Variants in TENM1 observed in about 807,000 individuals in gnomAD.
TENM1 encodes the protein teneurin-1.
In TENM1, 35 loss-of-function variants were observed where a neutral mutation model predicts 174.8. The ratio of observed to expected loss-of-function variants is 0.20; its 90% CI spans 0.15 to 0.27. TENM1 has a LOEUF of 0.27. Among genes scored for constraint, TENM1 ranks in the 10% least tolerant of loss-of-function variants. The pLI, the probability that TENM1 is intolerant of heterozygous loss-of-function variation, is 1.00. For missense variants in TENM1, 1,633 were observed against 2,130.1 expected (o/e 0.77, Z 4.59); for synonymous variants, 781 against 798.7 (o/e 0.98, Z 0.37).
chrX:125,182,151 G>A, the TENM1 span, among the ~76,000 whole-genome samples: 1 of 109,980 alleles, frequency 9.1e-6, no homozygotes, highest in African/African-American at 3.3e-5. Context: ...ACTTTCTAGA[G>A]GCCATCCACC....
At chrX:124,531,499 C>T (rs1248172374) in intron 15 of TENM1, among the ~76,000 whole-genome samples, 1 of 112,056 alleles carries the variant, frequency 8.9e-6, no homozygotes, top group Non-Finnish European at 1.9e-5. Context: ...TACGTAAGGG[C>T]TTTCCCAACA....
the TENM1 span, among the ~76,000 whole-genome samples, chrX:125,042,511 T>C: frequency 5.4e-5 from 6 of 111,229 alleles, no homozygotes; most frequent in Non-Finnish European, 1.1e-4. Context: ...CCCCTTAAGA[T>C]AGCTCTCAAA....
intron 11 of TENM1, among the ~76,000 whole-genome samples, chrX:124,593,639 G>T (rs1164875905): frequency 1.8e-5 from 2 of 111,681 alleles, no homozygotes; most frequent in African/African-American, 6.5e-5. Flanking sequence ...CCAAGTAAGT[G>T]AATGTTCTAA....
chrX:124,844,332 C>T (rs2056565247), intron 3 of TENM1, among the ~76,000 whole-genome samples: 1 of 111,794 alleles, frequency 8.9e-6, no homozygotes, highest in Admixed American at 9.5e-5. Context: ...GAATCTATTG[C>T]CAGGCAAATA....
intron 3 of TENM1, among the ~76,000 whole-genome samples, chrX:124,755,163 T>C (rs1353705307): frequency 6.7e-5 from 7 of 103,891 alleles, no homozygotes; most frequent in Admixed American, 3.0e-4. Flanking sequence ...TTTATGAATC[T>C]GGGTGCTCCT....
chrX:124,717,877 T>C (rs2053223029), intron 4 of TENM1, among the ~76,000 whole-genome samples: 1 of 112,033 alleles, frequency 8.9e-6, no homozygotes, highest in South Asian at 3.7e-4. Flanking sequence ...CAAAAGGAAA[T>C]CTTAATAGTA....
rs138760492 is a variant in TENM1 at position 124,554,735 on chromosome X, G to A, written c.2434+6936C>T. On this transcript the variant is annotated intron_variant, in intron 14 of 31. Coordinates refer to ENST00000422452, the Ensembl canonical transcript of TENM1. ...GGCTCATTGATCCATGAGCTTGTAT[G>A]TGTTCATAACTCACCCATGGTGCTG... 7.9e-3 allele frequency among the ~76,000 whole-genome samples: 881 copies of A among 111,828 alleles called. 4 individuals carry two copies. The highest frequency in any genetic ancestry group is 0.025 in the African/African-American group (765 of 30,778).
intron 3 of TENM1, among the ~76,000 whole-genome samples, chrX:124,753,044 T>TG (rs2148584028): frequency 9.0e-6 from 1 of 111,039 alleles, no homozygotes; most frequent in East Asian, 2.8e-4. Flanking sequence ...GGTAGCTTGA[T>TG]GGGGATGGCA....
chrX:124,616,605 T>C (rs1311687904), intron 11 of TENM1, among the ~76,000 whole-genome samples: 1 of 112,470 alleles, frequency 8.9e-6, no homozygotes. Context: ...AACAAGTGTA[T>C]GTGTGCTTGT....
chrX:124,751,047 C>G (rs752529528), intron 3 of TENM1, among the ~76,000 whole-genome samples: 24 of 111,653 alleles, frequency 2.1e-4, no homozygotes, highest in Non-Finnish European at 4.3e-4. Flanking sequence ...TCTATAGTAA[C>G]AGTTGTTAGC....
intron 3 of TENM1, among the ~76,000 whole-genome samples, chrX:124,830,750 G>GA (rs201431896): frequency 5.4e-5 from 6 of 110,849 alleles, no homozygotes; most frequent in South Asian, 7.6e-4. Flanking sequence ...GTATAATGAA[G>GA]AAAAAAAATC....
intron 7 of TENM1, 46 bp from the exon 11 acceptor site, chrX:124,652,170 A>G (rs774783809): frequency 8.5e-7 from 1 of 1,176,540 alleles, no homozygotes; most frequent in Admixed American, 2.4e-5. Context: ...TTTTTCTTCT[A>G]GACTGATAAA....
chrX:124,792,410 C>T (rs749880253), intron 3 of TENM1, among the ~76,000 whole-genome samples: 6 of 111,314 alleles, frequency 5.4e-5, no homozygotes, highest in Admixed American at 9.6e-5. Flanking sequence ...CACATTCATC[C>T]GAAGTATTCT....
chrX:124,446,955 G>T (rs1255582647), intron 23 of TENM1, among the ~76,000 whole-genome samples: 3 of 112,252 alleles, frequency 2.7e-5, no homozygotes, highest in African/African-American at 9.7e-5. Flanking sequence ...TCTTCATGTT[G>T]CAGCATAGGC....
intron 11 of TENM1, among the ~76,000 whole-genome samples, chrX:124,617,140 GTTAA>G (rs965418679): frequency 5.4e-5 from 6 of 112,008 alleles, no homozygotes; most frequent in African/African-American, 1.6e-4. Context: ...TACTGATGGT[GTTAA>G]TTAAGTTTCC....
chrX:124,963,346 T>C (rs2058683218), intron 1 of TENM1, among the ~76,000 whole-genome samples, 191 bp downstream of exon 4: 1 of 112,650 alleles, frequency 8.9e-6, no homozygotes, highest in South Asian at 3.7e-4. Flanking sequence ...TCATGCATAA[T>C]CCATAAAAAG....
chrX:125,160,544 C>CAAAAA, the TENM1 span, among the ~76,000 whole-genome samples: 316 of 28,985 alleles, frequency 0.011, 47 homozygotes, highest in South Asian at 0.019. Context: ...GACCCCGTCT[C>CAAAAA]AAAAAAAAAA....
At chrX:124,952,583 A>T (rs978021569) in intron 1 of TENM1, among the ~76,000 whole-genome samples, 7 of 111,354 alleles carry the variant, frequency 6.3e-5, no homozygotes, top group Admixed American at 9.6e-5. Context: ...ATAATTTTTT[A>T]AGTGTTCTTG....
intron 25 of TENM1, among the ~76,000 whole-genome samples, chrX:124,410,224 C>T (rs1255300161): frequency 9.0e-6 from 1 of 111,424 alleles, no homozygotes; most frequent in Non-Finnish European, 1.9e-5. Flanking sequence ...TGCATATCTA[C>T]AACTATCTGA....
Sources: allele counts gnomAD v4.1 joint callset (sites outside exome capture counted in the v4.1 genomes callset), GRCh38; gene constraint gnomAD v4.1.1; transcripts MANE v1.5; gene names NCBI Gene and HGNC (gene_info 2026-07-23, HGNC 2026-07-21).